KLHDC4: variants seen among roughly 807,000 people sequenced by gnomAD.
KLHDC4 encodes the protein kelch domain-containing protein 4.
A neutral mutation model predicts 62.4 loss-of-function variants in KLHDC4; 90 were observed. That is an observed-to-expected ratio of 1.44 (90% CI 1.22 to 1.72). The LOEUF is 1.72. KLHDC4 is among the 40% of genes most tolerant of loss of function. The probability of loss-of-function intolerance (pLI) is 0.00; values close to 1 mark genes in which losing one functional copy is unlikely to be tolerated. For synonymous variants in KLHDC4, 386 were observed against 284.4 expected, an observed-to-expected ratio of 1.36 and a Z score of -3.59; for missense variants, 1,025 against 699.7, an observed-to-expected ratio of 1.47 and a Z score of -5.25.
rs1226514727 is a variant in KLHDC4 at position 87,756,592 on chromosome 16, G to C, written c.192-115C>G. On this transcript the variant is annotated intron_variant, in intron 2 of 11. Coordinates refer to ENST00000270583, the MANE Select transcript of KLHDC4 (RefSeq NM_017566.4). Reference sequence around the variant, plus strand: ...CAAACTGGCTGCCTCTACACTTCCTGAAAGGAGAGCCTGGCATCGAGAAAG... The same window carrying C: ...CAAACTGGCTGCCTCTACACTTCCTCAAAGGAGAGCCTGGCATCGAGAAAG... The C allele has an allele frequency of 3.2e-5, 23 of 716,668 alleles. 1 individual carries two copies. In the South Asian group the frequency reaches 3.6e-4, roughly 11 times the overall value. 44.4% of individuals were successfully genotyped at this position (716,668 alleles called of 1,614,324 possible).
chr16:87,742,128 T>A (rs558633680), intron 5 of KLHDC4, among the ~76,000 whole-genome samples: 2 of 149,046 alleles, frequency 1.3e-5, no homozygotes, highest in Admixed American at 6.7e-5. Flanking sequence ...ACAGCCAGAG[T>A]AGTCCTCTCT....
chr16:87,753,190 C>T lies in KLHDC4; in HGVS notation c.369+2004G>A, dbSNP rs529506051. On this transcript the variant is annotated intron_variant, in intron 4 of 11. Transcript: ENST00000270583. ...GGAGAAAAAGCCCTGGAAATCTGCACGGGGGCGTCCCCTGGAGTCTCTGTA... is the reference window on the plus strand; with the variant it reads ...GGAGAAAAAGCCCTGGAAATCTGCATGGGGGCGTCCCCTGGAGTCTCTGTA... 3.9e-5 allele frequency among the ~76,000 whole-genome samples: 6 copies of T among 152,318 alleles called. No homozygotes were observed. The South Asian group carries it at 8.3e-4, about 21-fold the overall frequency.
chr16:87,705,983 A>G (rs1019204659), downstream of KLHDC4, among the ~76,000 whole-genome samples: 3 of 151,296 alleles, frequency 2.0e-5, no homozygotes, highest in African/African-American at 7.3e-5. Flanking sequence ...GGGTCGGTGC[A>G]ACACAAACAC....
At chr16:87,742,516 G>A (rs114975617) in intron 5 of KLHDC4, among the ~76,000 whole-genome samples, 88 of 152,272 alleles carry the variant, frequency 5.8e-4, no homozygotes, top group African/African-American at 2.1e-3. Flanking sequence ...CCTTCCACCA[G>A]TCACAGAGGC....
intron 5 of KLHDC4, chr16:87,747,449 C>A (rs562211671): frequency 2.0e-5 from 3 of 152,210 alleles, no homozygotes; most frequent in Non-Finnish European, 4.4e-5. Flanking sequence ...ACAAAGAAAT[C>A]CATTTTTAGC....
In KLHDC4 at chr16:87,720,015, G is replaced by A. The variant is rs1431947596; in HGVS notation, c.760-5442C>T. Among the ~76,000 whole-genome samples the A allele has an allele frequency of 2.0e-5, 3 of 152,284 alleles. 1 individual carries two copies. The highest frequency in any genetic ancestry group is 3.9e-4 in the East Asian group (2 of 5,182). ...ATCCCCTGATGAGACCCCACCTCCC[G>A]CAGAAGTACAGGCCACTTAGCTTAG... On this transcript the variant is annotated intron_variant, in intron 7 of 11. Transcript: ENST00000270583.
At chr16:87,737,367 C>T (rs919383381) in intron 5 of KLHDC4, among the ~76,000 whole-genome samples, 1 of 152,032 alleles carries the variant, frequency 6.6e-6, no homozygotes, top group Non-Finnish European at 1.5e-5. Flanking sequence ...GCAGCCAGAT[C>T]ACTTGAAGTC....
chr16:87,747,318 T>C (rs2043187130), intron 5 of KLHDC4, among the ~76,000 whole-genome samples: 1 of 152,122 alleles, frequency 6.6e-6, no homozygotes, highest in South Asian at 2.1e-4. Context: ...CAAAATGCTA[T>C]TAAAAAATCA....
chr16:87,736,511 G>A (rs929701506), intron 5 of KLHDC4, among the ~76,000 whole-genome samples: 10 of 152,252 alleles, frequency 6.6e-5, no homozygotes, highest in African/African-American at 2.2e-4. Context: ...GCACAGCCAG[G>A]GAGAGCCGTG....
intron 6 of KLHDC4, among the ~76,000 whole-genome samples, chr16:87,727,753 A>G (rs918962912): frequency 2.0e-5 from 3 of 152,176 alleles, no homozygotes; most frequent in Non-Finnish European, 4.4e-5. Flanking sequence ...AGCCAAACTC[A>G]TTTTTTAAGG....
At chr16:87,753,884 A>C (rs1004372932) in intron 4 of KLHDC4, among the ~76,000 whole-genome samples, 3 of 151,334 alleles carry the variant, frequency 2.0e-5, no homozygotes, top group Non-Finnish European at 2.9e-5. Flanking sequence ...GAAGCAGGAG[A>C]ATCGCTTGAA....
intron 4 of KLHDC4, among the ~76,000 whole-genome samples, chr16:87,754,952 C>T (rs1327579406): frequency 2.0e-5 from 3 of 152,176 alleles, no homozygotes; most frequent in Non-Finnish European, 4.4e-5. Context: ...AGGAACGACA[C>T]GAGCTATTTT....
chr16:87,740,966 C>G (rs1347394945), intron 5 of KLHDC4: 3 of 152,220 alleles, frequency 2.0e-5, no homozygotes, highest in Non-Finnish European at 4.4e-5. Context: ...AAAATAGCTG[C>G]TAGCGCTGGC....
chr16:87,744,974 C>T (rs1272425280), intron 5 of KLHDC4, among the ~76,000 whole-genome samples: 1 of 93,000 alleles, frequency 1.1e-5, no homozygotes, highest in African/African-American at 5.9e-5. Context: ...CACATGCAAT[C>T]ATCTGCACAC....
At chr16:87,761,614 G>C (rs780035990) in intron 2 of KLHDC4, among the ~76,000 whole-genome samples, 1 of 152,206 alleles carries the variant, frequency 6.6e-6, no homozygotes, top group African/African-American at 2.4e-5. Flanking sequence ...TCAGCTTTCT[G>C]CCTACAGTAC....
rs1454581789 is a variant in KLHDC4, at chr16:87,708,088, G to A, written c.*2-13C>T. The A allele has an allele frequency of 6.5e-6, 4 of 612,036 alleles. No homozygotes were observed. The highest frequency in any genetic ancestry group is 2.1e-5 in the Admixed American group (1 of 46,610). 37.9% of individuals were successfully genotyped at this position (612,036 alleles called of 1,614,324 possible). The stretch of plus-strand genomic sequence containing the variant: ...GGCAGGGGCTCTTCTGATACGCAAG[G>A]AGGAAGGAATGAGAGAGAAACACAT... On this transcript the variant is annotated splice_polypyrimidine_tract_variant and intron_variant, in intron 11 of 11. Coordinates refer to ENST00000270583, the MANE Select transcript of KLHDC4 (RefSeq NM_017566.4).
Position 87,708,451 on chromosome 16 carries a change from A to G in KLHDC4, c.1463T>C (p.Leu488Pro). 6.2e-7 allele frequency: 1 copy of G among 1,606,874 alleles called. No homozygotes were observed. The highest frequency in any genetic ancestry group is 1.1e-5 in the South Asian group (1 of 90,688). The change falls in exon 11 of 12, where the codon CTG becomes CCG. Residue 488 changes from leucine (L) to proline (P), a missense_variant. Transcript: ENST00000270583. ...VEMDPETQEW[L>P]EETDSEEDSE... The stretch of plus-strand genomic sequence containing the variant: ...GTCCTCTTCCGAGTCCGTCTCCTCC[A>G]GCCACTCCTGAGTTTCTTCAAAAGC...
intron 8 of KLHDC4, among the ~76,000 whole-genome samples, 163 bp from the exon 9 acceptor site, chr16:87,711,606 T>A (rs1462459981): frequency 6.6e-6 from 1 of 152,150 alleles, no homozygotes; most frequent in African/African-American, 2.4e-5. Context: ...ACAGACACCA[T>A]TCAACTCCCC....
chr16:87,706,660 G>A (rs1279691964), downstream of KLHDC4, among the ~76,000 whole-genome samples: 2 of 152,208 alleles, frequency 1.3e-5, no homozygotes, highest in African/African-American at 4.8e-5. Context: ...ATGGCAGTGG[G>A]CGGGGCCCTT....
Sources: gnomAD v4.1 joint callset for allele counts (sites outside exome capture counted in the v4.1 genomes callset) on GRCh38, gnomAD v4.1.1 for gene constraint, MANE v1.5 for transcripts, NCBI Gene and HGNC (gene_info 2026-07-23, HGNC 2026-07-21) for gene names.